The following RABGAP1L variants were observed in gnomAD, a reference collection of about 807,000 sequenced individuals.
The protein encoded by RABGAP1L is rab GTPase-activating protein 1-like.
Under a neutral mutation model 137.7 loss-of-function variants are expected in RABGAP1L, and 63 were observed. That is an observed-to-expected ratio of 0.46 (90% CI 0.37 to 0.56). The LOEUF (loss-of-function observed/expected upper bound fraction) is 0.56, where lower values mean the gene tolerates loss of function less well. RABGAP1L is among the 20% of genes least tolerant of loss of function. The pLI is 0.00. For synonymous variants in RABGAP1L, 431 were observed against 433.7 expected, an observed-to-expected ratio of 0.99 and a Z score of 0.08; for missense variants, 1,095 against 1,244.0, an observed-to-expected ratio of 0.88 and a Z score of 1.80.
chr1:174,315,165 C>T (rs1679250143), intron 11 of RABGAP1L, among the ~76,000 whole-genome samples: 1 of 152,002 alleles, frequency 6.6e-6, no homozygotes, highest in Non-Finnish European at 1.5e-5. Context: ...TCTTGATGTT[C>T]CAGTGTTGAG....
At chr1:174,888,087 A>C (rs560986736) in intron 19 of RABGAP1L, among the ~76,000 whole-genome samples, 1 of 152,270 alleles carries the variant, frequency 6.6e-6, no homozygotes, top group South Asian at 2.1e-4. Context: ...CAGATTTATG[A>C]TATGGTAATA....
In RABGAP1L at chr1:174,378,854, C is replaced by A. The variant is rs1207784177; in HGVS notation, c.1559+7782C>A. On this transcript the variant is annotated intron_variant, in intron 12 of 25. Coordinates refer to ENST00000681986, the MANE Select transcript of RABGAP1L (RefSeq NM_001366446.1). ...GCTTTTGGTGTTTTGGACATGAAGT[C>A]CTTGCCCATGCCTATGTCCTGAATG... Among the ~76,000 whole-genome samples the A allele has an allele frequency of 1.6e-5, 2 of 122,132 alleles. 1 individual carries two copies. Among genetic ancestry groups the A allele is most frequent in the Non-Finnish European group, 3.5e-5 (2 of 56,914 alleles). The allele number at this position is 122,132 out of a possible 152,430, so 80.1% of individuals were successfully genotyped here. A position where few individuals can be genotyped will look rare whatever the true frequency, so the allele number is the denominator to read the frequency against.
At chr1:174,804,251 T>TG (rs1399769102) in intron 18 of RABGAP1L, among the ~76,000 whole-genome samples, 4 of 81,572 alleles carry the variant, frequency 4.9e-5, no homozygotes, top group Non-Finnish European at 1.1e-4. Context: ...GATGTTTTTT[T>TG]TTTGTTTGTT....
rs555570621 is a variant in RABGAP1L, at chr1:174,686,187, T to A, written c.1899+2591T>A. 2.6e-5 allele frequency among the ~76,000 whole-genome samples: 4 copies of A among 152,328 alleles called. No individual in the cohort carries two copies. The South Asian group carries it at 8.3e-4, about 32-fold the overall frequency. ...AGGACAGCATTGTTTTTTTGAGGTT[T>A]AGCATTCTGGAAGTGAAGAGCAATT... On this transcript the variant is annotated intron_variant, in intron 15 of 25. Transcript: ENST00000681986.
At chr1:174,760,914 C>T (rs1685167664) in intron 18 of RABGAP1L, among the ~76,000 whole-genome samples, 1 of 152,194 alleles carries the variant, frequency 6.6e-6, no homozygotes, top group Non-Finnish European at 1.5e-5. Flanking sequence ...TATTTAGAGA[C>T]AGATACTGTT....
chr1:174,214,960 G>A (rs1669174607), intron 1 of RABGAP1L, among the ~76,000 whole-genome samples: 1 of 151,972 alleles, frequency 6.6e-6, no homozygotes. Context: ...CTAAAAGCAT[G>A]GGCAAAAAAA....
At chr1:174,685,843 G>T (rs929280952) in intron 15 of RABGAP1L, among the ~76,000 whole-genome samples, 6 of 152,172 alleles carry the variant, frequency 3.9e-5, no homozygotes, top group African/African-American at 1.4e-4. Context: ...TTGTAGGCAG[G>T]AGCCGCTGTG....
At chr1:174,220,220 A>C (rs1174429315) in intron 2 of RABGAP1L, among the ~76,000 whole-genome samples, 1 of 152,210 alleles carries the variant, frequency 6.6e-6, no homozygotes, top group Admixed American at 6.5e-5. Context: ...ACAATTTGTA[A>C]AGAAATCAGA....
intron 15 of RABGAP1L, among the ~76,000 whole-genome samples, chr1:174,694,678 A>G (rs1679119486): frequency 1.3e-5 from 2 of 151,960 alleles, no homozygotes; most frequent in African/African-American, 4.8e-5. Flanking sequence ...ATGTGTCTTT[A>G]TAGCAGCATG....
intron 17 of RABGAP1L, among the ~76,000 whole-genome samples, chr1:174,719,023 G>A (rs1293344670): frequency 4.0e-5 from 6 of 151,754 alleles, no homozygotes; most frequent in Non-Finnish European, 5.9e-5. Flanking sequence ...ATTTTTAGTA[G>A]AGATGGGGTT....
intron 13 of RABGAP1L, among the ~76,000 whole-genome samples, chr1:174,518,322 G>A (rs955107048): frequency 2.6e-5 from 4 of 152,068 alleles, no homozygotes; most frequent in African/African-American, 7.2e-5. Context: ...GCCCACAGAC[G>A]CCAACCTCCA....
chr1:174,673,793 G>A (rs1032144830), intron 14 of RABGAP1L, among the ~76,000 whole-genome samples: 4 of 152,124 alleles, frequency 2.6e-5, no homozygotes, highest in African/African-American at 9.7e-5. Context: ...GGGTTCTAGA[G>A]TTGAGCATGC....
intron 13 of RABGAP1L, among the ~76,000 whole-genome samples, chr1:174,619,769 G>A (rs559232019): frequency 4.7e-4 from 71 of 152,248 alleles, no homozygotes; most frequent in African/African-American, 1.7e-3. Context: ...ATAATGACAG[G>A]ATCAAATTCA....
intron 12 of RABGAP1L, among the ~76,000 whole-genome samples, chr1:174,377,776 G>T (rs1432836717): frequency 1.3e-5 from 2 of 148,836 alleles, no homozygotes; most frequent in African/African-American, 5.0e-5. Context: ...TTTTTTTTAA[G>T]ATTTTATTAT....
At chr1:174,429,722 A>G (rs1353395960) in intron 13 of RABGAP1L, among the ~76,000 whole-genome samples, 1 of 150,744 alleles carries the variant, frequency 6.6e-6, no homozygotes, top group Non-Finnish European at 1.5e-5. Flanking sequence ...CGGGGTGACA[A>G]GAGCAAGACT....
At chr1:174,966,590 A>G (rs1265571603) in intron 20 of RABGAP1L, among the ~76,000 whole-genome samples, 1 of 152,212 alleles carries the variant, frequency 6.6e-6, no homozygotes, top group East Asian at 1.9e-4. Flanking sequence ...AAAGATTCAA[A>G]GATTTCATTG....
intron 17 of RABGAP1L, among the ~76,000 whole-genome samples, chr1:174,750,426 T>C (rs1684257882): frequency 1.3e-5 from 2 of 152,148 alleles, no homozygotes; most frequent in Admixed American, 1.3e-4. Flanking sequence ...CTTAGAATTG[T>C]CTTTTTGGTT....
intron 14 of RABGAP1L, among the ~76,000 whole-genome samples, chr1:174,678,530 T>C (rs1203447135): frequency 6.6e-6 from 1 of 152,036 alleles, no homozygotes; most frequent in African/African-American, 2.4e-5. Context: ...TCTTGACCCA[T>C]ATATACAAGG....
chr1:174,969,429 A>G, intron 21 of RABGAP1L, 42 bp downstream of exon 21: 6 of 1,464,220 alleles, frequency 4.1e-6, no homozygotes, highest in Non-Finnish European at 5.6e-6. Context: ...CCTCAGGGCA[A>G]AGACCGATTT....
Sources: gnomAD v4.1 joint callset for allele counts (sites outside exome capture counted in the v4.1 genomes callset) on GRCh38, gnomAD v4.1.1 for gene constraint, MANE v1.5 for transcripts, NCBI Gene and HGNC (gene_info 2026-07-23, HGNC 2026-07-21) for gene names.